The following FBRSL1 variants were observed in gnomAD, a reference collection of about 807,000 sequenced individuals.
FBRSL1 encodes the protein fibrosin-1-like protein.
Under a neutral mutation model 89.6 loss-of-function variants are expected in FBRSL1, and 51 were observed. That is an observed-to-expected ratio of 0.57 (90% CI 0.45 to 0.72). FBRSL1 has a LOEUF of 0.72. Among genes scored for constraint, FBRSL1 ranks in the 30% least tolerant of loss-of-function variants. The probability of loss-of-function intolerance (pLI) is 0.00; values close to 1 mark genes in which losing one functional copy is unlikely to be tolerated. For synonymous variants in FBRSL1, 779 were observed against 681.1 expected, an observed-to-expected ratio of 1.14 and a Z score of -2.24; for missense variants, 1,618 against 1,451.8, an observed-to-expected ratio of 1.11 and a Z score of -1.86.
chr12:132,504,549 G>T (rs1177338481), intron 1 of FBRSL1, among the ~76,000 whole-genome samples: 1 of 152,082 alleles, frequency 6.6e-6, no homozygotes, highest in African/African-American at 2.4e-5. Flanking sequence ...CTTCTTGGAG[G>T]GCCCCTGTGT....
At chr12:132,562,114 G>A (rs1354094951) in intron 5 of FBRSL1, among the ~76,000 whole-genome samples, 1 of 152,218 alleles carries the variant, frequency 6.6e-6, no homozygotes, top group African/African-American at 2.4e-5. Flanking sequence ...CCGATGCTGG[G>A]ATGGTCACTG....
chr12:132,548,939 A>G (rs1236812782), intron 5 of FBRSL1, among the ~76,000 whole-genome samples: 4 of 152,066 alleles, frequency 2.6e-5, no homozygotes, highest in Non-Finnish European at 5.9e-5. Flanking sequence ...GTTTTTATGA[A>G]TGGAACAGTT....
intron 1 of FBRSL1, among the ~76,000 whole-genome samples, chr12:132,492,873 G>A (rs938733942): frequency 6.6e-6 from 1 of 152,254 alleles, no homozygotes; most frequent in Admixed American, 6.5e-5. Flanking sequence ...TCCCATACGT[G>A]TCTCTTGGTT....
chr12:132,516,717 G>A (rs1217812173), intron 2 of FBRSL1, among the ~76,000 whole-genome samples: 1 of 152,206 alleles, frequency 6.6e-6, no homozygotes, highest in African/African-American at 2.4e-5. Flanking sequence ...AAGAAAAAAA[G>A]CCGCCTGTAA....
chr12:132,559,932 CCCCGCCCCG>C (rs1475051014), intron 5 of FBRSL1: 1 of 148,286 alleles, frequency 6.7e-6, no homozygotes, highest in African/African-American at 2.4e-5. Flanking sequence ...CGCGCCCCGC[CCCCGCCCCG>C]CCCGCGCTCC....
intron 15 of FBRSL1, chr12:132,580,880 C>T: frequency 1.0e-6 from 1 of 984,808 alleles, no homozygotes; most frequent in Non-Finnish European, 1.2e-6. Flanking sequence ...AGGGCCCGGG[C>T]CCAGGCCCCA....
At chr12:132,500,058 C>T (rs994974708) in intron 1 of FBRSL1, among the ~76,000 whole-genome samples, 4 of 152,128 alleles carry the variant, frequency 2.6e-5, no homozygotes, top group African/African-American at 7.2e-5. Flanking sequence ...GTACGTGCAC[C>T]CGGGACCCTC....
intron 4 of FBRSL1, among the ~76,000 whole-genome samples, chr12:132,529,460 G>A (rs1209345654): frequency 1.3e-5 from 2 of 152,130 alleles, no homozygotes; most frequent in African/African-American, 4.8e-5. Context: ...CAGGCCCTTT[G>A]CACCCCCACC....
intron 5 of FBRSL1, among the ~76,000 whole-genome samples, chr12:132,558,107 C>G (rs1051861178): frequency 6.6e-6 from 1 of 151,964 alleles, no homozygotes; most frequent in Non-Finnish European, 1.5e-5. Context: ...CACAGGGCCC[C>G]TTCACGGCCT....
chr12:132,490,433 C>T lies in FBRSL1; in HGVS notation c.-138C>T. ...CGCCCGGCATGCCCGGCCCGGCCCGCCGCCCGCCGCCGCCCAGGGCCCGAG... is the reference window on the plus strand; with the variant it reads ...CGCCCGGCATGCCCGGCCCGGCCCGTCGCCCGCCGCCGCCCAGGGCCCGAG... On this transcript the variant is annotated 5_prime_UTR_variant, in exon 1 of 19. Coordinates refer to ENST00000680143, the MANE Select transcript of FBRSL1 (RefSeq NM_001367871.1). 1.8e-6 allele frequency: 1 copy of T among 557,194 alleles called. No homozygotes were observed. The highest frequency in any genetic ancestry group is 2.2e-6 in the Non-Finnish European group (1 of 445,888). The allele number at this position is 557,194 out of a possible 1,614,324, so 34.5% of individuals were successfully genotyped here.
intron 15 of FBRSL1, among the ~76,000 whole-genome samples, chr12:132,579,865 T>C (rs4883513): frequency 0.73 from 110,404 of 152,066 alleles, 40,190 homozygotes; most frequent in East Asian, 0.83. Flanking sequence ...ACTGATTTTT[T>C]TTCTCCACTG....
intron 1 of FBRSL1, among the ~76,000 whole-genome samples, chr12:132,491,437 A>G (rs1222911774): frequency 6.6e-6 from 1 of 152,252 alleles, no homozygotes. Flanking sequence ...CTCTTACATG[A>G]ACTCAGCTGA....
Position 132,583,798 on chromosome 12 carries a change from T to A in FBRSL1, c.*20T>A. On this transcript the variant is annotated 3_prime_UTR_variant, in exon 19 of 19. Coordinates refer to ENST00000680143, the MANE Select transcript of FBRSL1 (RefSeq NM_001367871.1). The stretch of plus-strand genomic sequence containing the variant: ...CGGTAGCCCCGGGGCCGCAGACGCC[T>A]CTCCGAGCGGAGCGCACCGCTGTCC... 2 of 1,196,602 alleles carry A rather than the reference T, an allele frequency of 1.7e-6. No homozygotes were observed. The highest frequency in any genetic ancestry group is 2.1e-6 in the Non-Finnish European group (2 of 962,006). The allele number at this position is 1,196,602 out of a possible 1,614,324, so 74.1% of individuals were successfully genotyped here. A position where few individuals can be genotyped will look rare whatever the true frequency, so the allele number is the denominator to read the frequency against.
rs1458039845 is a variant in FBRSL1, at chr12:132,508,233, C to T, written c.372C>T (p.Thr124=). 9.0e-6 allele frequency: 14 copies of T among 1,550,950 alleles called. No homozygotes were observed. In the East Asian group the frequency reaches 2.9e-4, roughly 32 times the overall value. ...RLIKKPRESE[T]CPPAEPSENR... ...TCAAGAAGCCCCGGGAGTCGGAAAC[C>T]TGCCCCCCTGCGGAGCCCAGTGAGA... is the stretch of plus-strand genomic sequence containing the variant. The change falls in exon 2 of 19, where the codon ACC becomes ACT. Residue 124 remains threonine, a synonymous_variant. Transcript: ENST00000680143.
chr12:132,556,118 G>A (rs1296117509), intron 5 of FBRSL1, among the ~76,000 whole-genome samples: 1 of 152,186 alleles, frequency 6.6e-6, no homozygotes, highest in Non-Finnish European at 1.5e-5. Context: ...CAGGCCGGCA[G>A]CCTCCAGGGA....
intron 5 of FBRSL1, chr12:132,565,062 A>G (rs1188941934): frequency 6.6e-6 from 1 of 152,160 alleles, no homozygotes; most frequent in Admixed American, 6.5e-5. Flanking sequence ...ACAAGCACAG[A>G]ACCCCCATCT....
chr12:132,522,641 G>A (rs934945269), intron 2 of FBRSL1, among the ~76,000 whole-genome samples: 1 of 152,214 alleles, frequency 6.6e-6, no homozygotes, highest in Non-Finnish European at 1.5e-5. Context: ...GGCCCACAGG[G>A]AGCTGTTCCT....
Position 132,583,717 on chromosome 12 carries a change from G to T in FBRSL1, c.2948G>T (p.Gly983Val). 1 of 1,208,040 alleles carries T rather than the reference G, an allele frequency of 8.3e-7. No individual in the cohort carries two copies. Among genetic ancestry groups the T allele is most frequent in the South Asian group, 4.1e-5 (1 of 24,130 alleles). 74.8% of individuals were successfully genotyped at this position (1,208,040 alleles called of 1,614,324 possible). A position where few individuals can be genotyped will look rare whatever the true frequency, so the allele number is the denominator to read the frequency against. ...RSRTTPLGGL[G>V]PGEARDYSPS... is the part of the protein sequence containing the mutation. ...CGGACTACTCCGCTGGGGGGCCTCGGGCCGGGCGAGGCGCGCGACTACTCC... is the reference window on the plus strand; with the variant it reads ...CGGACTACTCCGCTGGGGGGCCTCGTGCCGGGCGAGGCGCGCGACTACTCC... Residue 983 changes from glycine (G) to valine (V), a missense_variant, in exon 19 of 19, where the codon GGG becomes GTG. By Grantham distance (109) the Gly-to-Val change is moderately radical. Transcript: ENST00000680143.
At position 132,570,086 on chromosome 12, in the gene FBRSL1, T is replaced by C; in HGVS notation, c.852T>C (p.Asn284=). 1.3e-6 allele frequency: 2 copies of C among 1,486,364 alleles called. No homozygotes were observed. The allele number at this position is 1,486,364 out of a possible 1,614,324, so 92.1% of individuals were successfully genotyped here. Residue 284 remains asparagine, a synonymous_variant, in exon 7 of 19, where the codon AAT becomes AAC. Coordinates refer to ENST00000680143, the MANE Select transcript of FBRSL1 (RefSeq NM_001367871.1). ...GGCCCCCGCCCGGCTCCCGCGCCAA[T>C]CCCTTGGTGAAGAAGGAACCCCCCG... ...CPGPPPGSRA[N]PLVKKEPPAP...
Sources: allele counts gnomAD v4.1 joint callset (sites outside exome capture counted in the v4.1 genomes callset), GRCh38; gene constraint gnomAD v4.1.1; transcripts MANE v1.5; gene names NCBI Gene and HGNC (gene_info 2026-07-23, HGNC 2026-07-21).